Variants in P3H2 observed in about 807,000 individuals in gnomAD.
The protein encoded by P3H2 is prolyl 3-hydroxylase 2, also known as leprecan-like 1.
A neutral mutation model predicts 87.0 loss-of-function variants in P3H2; 80 were observed. The observed-to-expected ratio is 0.92, with a 90% confidence interval of 0.77 to 1.11. The LOEUF is 1.11. P3H2 is among the 50% of genes least tolerant of loss of function. The pLI, the probability that P3H2 is intolerant of heterozygous loss-of-function variation, is 0.00. For missense variants in P3H2, 1,001 were observed against 923.9 expected (o/e 1.08, Z -1.08); for synonymous variants, 367 against 359.3 (o/e 1.02, Z -0.24).
intron 6 of P3H2, among the ~76,000 whole-genome samples, chr3:189,984,968 T>A (rs1451043601): frequency 6.6e-6 from 1 of 152,126 alleles, no homozygotes; most frequent in Non-Finnish European, 1.5e-5. Flanking sequence ...GCTTTAGTAA[T>A]CATCTGTATA....
rs144035751 is a variant in P3H2 at position 190,073,006 on chromosome 3, T to C, written c.480+47246A>G. ...TCTGGTATCAGAGTATCATATCTCC[T>C]GTACCATTTTAACTGCATTCATATC... On this transcript the variant is annotated intron_variant, in intron 1 of 14. Coordinates refer to ENST00000319332, the MANE Select transcript of P3H2 (RefSeq NM_018192.4). Among the ~76,000 whole-genome samples the C allele has an allele frequency of 3.0e-4, 45 of 152,356 alleles. No homozygotes were observed. The East Asian group carries it at 8.1e-3, about 27-fold the overall frequency.
chr3:190,108,934 T>C (rs2108521152), intron 1 of P3H2, among the ~76,000 whole-genome samples: 1 of 152,378 alleles, frequency 6.6e-6, no homozygotes. Context: ...ATTACTTCCT[T>C]CTCTTTCCTG....
rs1397292771 is a variant in P3H2, at chr3:189,966,115, AAGAAAGAAAAAGAAAG to A, written c.1894-2033_1894-2018del. ...GAAAGAAAGAAAGAAAAAAGAAAGA[AAGAAAGAAAAAGAAAG>A]AAAGAAAGAAAGAAAGAAAGAAAGA... is the stretch of plus-strand genomic sequence containing the variant. On this transcript the variant is annotated intron_variant, in intron 13 of 14. Transcript: ENST00000319332. 2.5e-4 allele frequency among the ~76,000 whole-genome samples: 27 copies of A among 109,456 alleles called. 1 individual carries two copies. Among genetic ancestry groups the A allele is most frequent in the African/African-American group, 1.2e-3 (26 of 22,156 alleles). 71.8% of individuals were successfully genotyped at this position (109,456 alleles called of 152,430 possible).
At chr3:189,970,965 G>A in intron 12 of P3H2, 74 bp from the exon 13 acceptor site, 1 of 850,316 alleles carries the variant, frequency 1.2e-6, no homozygotes, top group East Asian at 2.5e-5. Flanking sequence ...ACTGAAGACT[G>A]GTGATGTACT....
At chr3:190,046,852 C>T (rs890803612) in intron 1 of P3H2, among the ~76,000 whole-genome samples, 1 of 151,906 alleles carries the variant, frequency 6.6e-6, no homozygotes, top group Admixed American at 6.6e-5. Context: ...TAGAAGACCT[C>T]AAAAGCTCAG....
intron 14 of P3H2, 33 bp downstream of exon 14, chr3:189,963,925 C>T (rs1228805505): frequency 6.2e-7 from 1 of 1,613,716 alleles, no homozygotes; most frequent in Non-Finnish European, 8.5e-7. Flanking sequence ...TGAAGCAAGC[C>T]TAATTGGCTT....
At chr3:190,114,079 CAAAAAAA>C (rs1220002187) in intron 1 of P3H2, among the ~76,000 whole-genome samples, 1 of 79,044 alleles carries the variant, frequency 1.3e-5, no homozygotes, top group African/African-American at 4.7e-5. Flanking sequence ...GACTCCGTCT[CAAAAAAA>C]AAAAAAAAAA....
rs930603073 is a variant in P3H2 at position 189,987,641 on chromosome 3, A to G, written c.984T>C (p.Cys328=). 3 of 1,614,224 alleles carry G rather than the reference A, an allele frequency of 1.9e-6. No homozygotes were observed. The highest frequency in any genetic ancestry group is 2.5e-6 in the Non-Finnish European group (3 of 1,180,036). Reference sequence around the variant, plus strand: ...GATGGCATAGAAGATAGGCTTTGGCACACTCCAGGGCTTTCACATACTCAC... The same window carrying G: ...GATGGCATAGAAGATAGGCTTTGGCGCACTCCAGGGCTTTCACATACTCAC... ...RVGEYVKALE[C]AKAYLLCHPD... Residue 328 remains cysteine, a synonymous_variant, in exon 5 of 15, where the codon TGT becomes TGC. Coordinates refer to ENST00000319332, the MANE Select transcript of P3H2 (RefSeq NM_018192.4).
chr3:190,034,374 G>A (rs1365931879), intron 1 of P3H2, among the ~76,000 whole-genome samples: 1 of 152,178 alleles, frequency 6.6e-6, no homozygotes, highest in Non-Finnish European at 1.5e-5. Flanking sequence ...ACAATAATTT[G>A]TCTCACTATT....
Position 189,987,676 on chromosome 3 carries a change from G to C in P3H2, c.956-7C>G. 3 of 1,613,954 alleles carry C rather than the reference G, an allele frequency of 1.9e-6. No homozygotes were observed. The highest frequency in any genetic ancestry group is 2.5e-6 in the Non-Finnish European group (3 of 1,179,904). On this transcript the variant is annotated splice_polypyrimidine_tract_variant and splice_region_variant and intron_variant, in intron 4 of 14. Coordinates refer to ENST00000319332, the MANE Select transcript of P3H2 (RefSeq NM_018192.4). ...GCTTTCACATACTCACCAACTGAAA[G>C]ACAAAGGAGTTGCAGCATTAGAGTC...
Position 190,053,702 on chromosome 3 carries a change from C to G in P3H2, c.481-58260G>C, listed in dbSNP as rs11717711. Among the ~76,000 whole-genome samples, 3 of 152,126 alleles carry G rather than the reference C, an allele frequency of 2.0e-5. No individual in the cohort carries two copies. In the East Asian group the frequency reaches 5.8e-4, roughly 29 times the overall value. ...CTAAGTCCTGACCTCAGGTGATCCA[C>G]GCGCCTCGGCCTCCCAAAGTGCTGG... On this transcript the variant is annotated intron_variant, in intron 1 of 14. Coordinates refer to ENST00000319332, the MANE Select transcript of P3H2 (RefSeq NM_018192.4).
At chr3:190,115,960 G>C (rs710593) in intron 1 of P3H2, among the ~76,000 whole-genome samples, 23,814 of 152,114 alleles carry the variant, frequency 0.16, 1,840 homozygotes, top group Non-Finnish European at 0.17. Context: ...TATCCATTTA[G>C]TAATCATCCA....
intron 1 of P3H2, among the ~76,000 whole-genome samples, chr3:190,043,532 T>A (rs988326498): frequency 4.6e-5 from 7 of 152,330 alleles, no homozygotes; most frequent in Admixed American, 3.9e-4. Flanking sequence ...TACACAAGAA[T>A]TTCCTATTGA....
chr3:190,027,976 A>T (rs1725135379), intron 1 of P3H2, among the ~76,000 whole-genome samples: 2 of 151,898 alleles, frequency 1.3e-5, no homozygotes, highest in Non-Finnish European at 2.9e-5. Context: ...GCAAAAAAAA[A>T]AAAAATAAAG....
At chr3:190,045,846 G>A (rs1320466130) in intron 1 of P3H2, among the ~76,000 whole-genome samples, 1 of 152,114 alleles carries the variant, frequency 6.6e-6, no homozygotes, top group Non-Finnish European at 1.5e-5. Flanking sequence ...CCTAGGCCGG[G>A]CACGGTGGCT....
intron 1 of P3H2, among the ~76,000 whole-genome samples, chr3:190,077,367 G>C (rs978550853): frequency 4.6e-5 from 7 of 152,186 alleles, no homozygotes; most frequent in Non-Finnish European, 8.8e-5. Flanking sequence ...TCTAAAGTCA[G>C]ACCTGGAAAA....
intron 3 of P3H2, among the ~76,000 whole-genome samples, chr3:189,993,570 T>G (rs1723947125): frequency 1.3e-5 from 2 of 152,106 alleles, no homozygotes; most frequent in Admixed American, 1.3e-4. Flanking sequence ...TAAATTCTTA[T>G]TAAGTAATAA....
intron 1 of P3H2, among the ~76,000 whole-genome samples, chr3:190,068,470 C>T (rs1161863088): frequency 6.6e-6 from 1 of 152,192 alleles, no homozygotes; most frequent in African/African-American, 2.4e-5. Context: ...AGTTACCCCA[C>T]ACCCTTTGTC....
At chr3:190,043,017 CAG>C (rs1310920170) in intron 1 of P3H2, among the ~76,000 whole-genome samples, 1 of 152,068 alleles carries the variant, frequency 6.6e-6, no homozygotes, top group Non-Finnish European at 1.5e-5. Flanking sequence ...AGTAGCAGAA[CAG>C]AGTACCATAC....
Sources: allele counts gnomAD v4.1 joint callset (sites outside exome capture counted in the v4.1 genomes callset), GRCh38; gene constraint gnomAD v4.1.1; transcripts MANE v1.5; gene names NCBI Gene and HGNC (gene_info 2026-07-23, HGNC 2026-07-21).